The following LMBR1 variants were observed in gnomAD, a reference collection of about 807,000 sequenced individuals.
LMBR1 encodes the protein limb development membrane protein 1.
A neutral mutation model predicts 73.9 loss-of-function variants in LMBR1; 52 were observed. That is an observed-to-expected ratio of 0.70 (90% CI 0.56 to 0.89). The LOEUF (loss-of-function observed/expected upper bound fraction) is 0.89, where lower values mean the gene tolerates loss of function less well. Among genes scored for constraint, LMBR1 ranks in the 40% least tolerant of loss-of-function variants. The probability of loss-of-function intolerance (pLI) is 0.00; values close to 1 mark genes in which losing one functional copy is unlikely to be tolerated. For missense variants in LMBR1, 539 were observed against 579.8 expected (o/e 0.93, Z 0.72); for synonymous variants, 215 against 209.4 (o/e 1.03, Z -0.23).
chr7:156,681,309 A>G lies in LMBR1; in HGVS notation c.*2769T>C, dbSNP rs1485017854. On this transcript the variant is annotated 3_prime_UTR_variant, in exon 17 of 17. Coordinates refer to ENST00000353442, the MANE Select transcript of LMBR1 (RefSeq NM_022458.4). ...TTAACACATCTGAGAGCAAAACGCG[A>G]GAGGCTCCGTCCATCTCTACTAACC... is the stretch of plus-strand genomic sequence containing the variant. 2.7e-6 allele frequency: 1 copy of G among 375,308 alleles called. No individual in the cohort carries two copies. The highest frequency in any genetic ancestry group is 7.9e-5 in the East Asian group (1 of 12,650). 23.2% of individuals were successfully genotyped at this position (375,308 alleles called of 1,614,324 possible). A position where few individuals can be genotyped will look rare whatever the true frequency, so the allele number is the denominator to read the frequency against.
chr7:156,783,451 T>A (rs1827507365), intron 5 of LMBR1, among the ~76,000 whole-genome samples: 1 of 152,206 alleles, frequency 6.6e-6, no homozygotes, highest in South Asian at 2.1e-4. Flanking sequence ...AGTGCTGGGA[T>A]TATAGGCATG....
At chr7:156,713,734 T>C (rs753007389) in intron 15 of LMBR1, among the ~76,000 whole-genome samples, 1 of 152,156 alleles carries the variant, frequency 6.6e-6, no homozygotes, top group Non-Finnish European at 1.5e-5. Flanking sequence ...CTTATAAAAT[T>C]GTCACTTTAA....
chr7:156,749,989 G>A (rs538179951), intron 9 of LMBR1, among the ~76,000 whole-genome samples: 40 of 152,140 alleles, frequency 2.6e-4, no homozygotes, highest in African/African-American at 9.2e-4. Context: ...GAAAAGATGA[G>A]AATCAAGCAG....
intron 1 of LMBR1, among the ~76,000 whole-genome samples, chr7:156,854,401 C>G (rs974339076): frequency 6.6e-6 from 1 of 152,074 alleles, no homozygotes; most frequent in African/African-American, 2.4e-5. Context: ...GGAGTCCTAC[C>G]AGATTCTCAG....
At chr7:156,860,295 G>C (rs1797550818) in intron 1 of LMBR1, among the ~76,000 whole-genome samples, 1 of 152,180 alleles carries the variant, frequency 6.6e-6, no homozygotes, top group African/African-American at 2.4e-5. Context: ...GATGGCAACA[G>C]GCAAAGAGAA....
chr7:156,845,832 G>A (rs1037563572), intron 1 of LMBR1, among the ~76,000 whole-genome samples: 6 of 152,064 alleles, frequency 3.9e-5, no homozygotes, highest in African/African-American at 1.2e-4. Context: ...TCTTCTCTCA[G>A]ACAAGGCTGA....
At chr7:156,691,585 G>A (rs1291748124) in intron 15 of LMBR1, among the ~76,000 whole-genome samples, 2 of 152,094 alleles carry the variant, frequency 1.3e-5, no homozygotes, top group Non-Finnish European at 2.9e-5. Flanking sequence ...GCAGCAAAAA[G>A]TAGTTAAGAG....
intron 1 of LMBR1, among the ~76,000 whole-genome samples, chr7:156,881,501 TAA>T (rs1407875547): frequency 1.3e-5 from 2 of 152,000 alleles, no homozygotes; most frequent in African/African-American, 2.4e-5. Flanking sequence ...TACATAAAAC[TAA>T]AAAGTTTCTG....
chr7:156,892,842 G>A, intron 1 of LMBR1, 86 bp downstream of exon 1: 1 of 922,636 alleles, frequency 1.1e-6, no homozygotes, highest in East Asian at 3.8e-5. Context: ...GGAGGTGAGG[G>A]GTCCGGGGAC....
chr7:156,774,851 C>G (rs184675898), intron 5 of LMBR1, among the ~76,000 whole-genome samples: 1 of 152,046 alleles, frequency 6.6e-6, no homozygotes, highest in Non-Finnish European at 1.5e-5. Context: ...GGAATGAGAT[C>G]ATGTCTTTTG....
At chr7:156,892,089 ATCAAAGTAGACTT>A (rs1487589911) in intron 1 of LMBR1, among the ~76,000 whole-genome samples, 1 of 152,260 alleles carries the variant, frequency 6.6e-6, no homozygotes, top group Non-Finnish European at 1.5e-5. Context: ...AGATAAAAAC[ATCAAAGTAGACTT>A]TCCAAGGTCA....
intron 7 of LMBR1, among the ~76,000 whole-genome samples, chr7:156,762,846 A>AGAGTGTGTGTGTGTGT (rs371734470): frequency 6.7e-6 from 1 of 148,520 alleles, no homozygotes; most frequent in Non-Finnish European, 1.5e-5. Context: ...TGTGAGTGTG[A>AGAGTGTGTGTGTGTGT]GTGTGTGTGT....
intron 15 of LMBR1, among the ~76,000 whole-genome samples, chr7:156,701,390 C>T (rs1379244910): frequency 2.0e-5 from 3 of 152,198 alleles, no homozygotes; most frequent in East Asian, 3.8e-4. Flanking sequence ...TTCATACATA[C>T]ATCATCACAG....
chr7:156,854,642 C>G (rs984490859), intron 1 of LMBR1, among the ~76,000 whole-genome samples: 19 of 152,164 alleles, frequency 1.2e-4, no homozygotes, highest in Middle Eastern at 3.2e-3. Context: ...CAGCTTCAGC[C>G]CCCTCTAGCC....
chr7:156,676,802 A>T (rs1188569165), downstream of LMBR1: 2 of 635,826 alleles, frequency 3.1e-6, no homozygotes, highest in African/African-American at 3.7e-5. Context: ...ATCTTAGTAT[A>T]TTTTAAAAGC....
chr7:156,741,667 C>T (rs964048093), intron 9 of LMBR1, among the ~76,000 whole-genome samples: 7 of 152,028 alleles, frequency 4.6e-5, no homozygotes, highest in African/African-American at 1.4e-4. Context: ...ATTATTAAAG[C>T]TAAAGAGAAA....
At chr7:156,774,423 C>A (rs1324439719) in intron 5 of LMBR1, among the ~76,000 whole-genome samples, 1 of 152,214 alleles carries the variant, frequency 6.6e-6, no homozygotes, top group African/African-American at 2.4e-5. Flanking sequence ...CATATGTTCA[C>A]TGCAGCACTA....
chr7:156,848,419 C>G (rs1290252049), intron 1 of LMBR1, among the ~76,000 whole-genome samples: 1 of 152,126 alleles, frequency 6.6e-6, no homozygotes, highest in Non-Finnish European at 1.5e-5. Context: ...ATGCAGCCAA[C>G]AAGCATATGA....
chr7:156,731,658 CTG>C (rs1352185653), intron 10 of LMBR1, among the ~76,000 whole-genome samples: 1 of 152,010 alleles, frequency 6.6e-6, no homozygotes, highest in Non-Finnish European at 1.5e-5. Flanking sequence ...GCCAGCAAAC[CTG>C]TGTTTTTCAA....
Sources: allele counts gnomAD v4.1 joint callset (sites outside exome capture counted in the v4.1 genomes callset), GRCh38; gene constraint gnomAD v4.1.1; transcripts MANE v1.5; gene names NCBI Gene and HGNC (gene_info 2026-07-23, HGNC 2026-07-21).